Variants in EHMT1 observed in about 807,000 individuals in gnomAD.
EHMT1 encodes the protein euchromatic histone lysine methyltransferase 1, also known as histone-lysine N-methyltransferase EHMT1.
In EHMT1, 15 loss-of-function variants were observed where a neutral mutation model predicts 147.2. The ratio of observed to expected loss-of-function variants is 0.10; its 90% CI spans 0.07 to 0.16. The LOEUF is 0.16. Ranked by LOEUF, EHMT1 falls within the 10% of genes least tolerant of loss-of-function variation. The pLI, the probability that EHMT1 is intolerant of heterozygous loss-of-function variation, is 1.00. For missense variants in EHMT1, 1,587 were observed against 1,772.4 expected (o/e 0.90, Z 1.88); for synonymous variants, 795 against 709.6 (o/e 1.12, Z -1.91).
intron 1 of EHMT1, among the ~76,000 whole-genome samples, chr9:137,659,828 C>T (rs1264095065): frequency 2.0e-5 from 3 of 152,022 alleles, no homozygotes; most frequent in Admixed American, 6.6e-5. Context: ...CCGCCCACCT[C>T]GCCCTCTCAA....
At chr9:137,683,215 AC>A (rs1942128408) in intron 1 of EHMT1, among the ~76,000 whole-genome samples, 1 of 152,236 alleles carries the variant, frequency 6.6e-6, no homozygotes, top group Non-Finnish European at 1.5e-5. Flanking sequence ...AGAATATATT[AC>A]ACTTATTTGA....
At chr9:137,785,109 G>C (rs1208482889) in intron 15 of EHMT1, 1 of 153,810 alleles carries the variant, frequency 6.5e-6, no homozygotes, top group East Asian at 1.9e-4. Context: ...GGAAGAGCGT[G>C]GTCTGGAAGA....
rs1477270311 is a variant in EHMT1 at position 137,793,495 on chromosome 9, C to T, written c.2505+2525C>T. ...AAACCAGTCTGGTGGTTCCTCAGAT[C>T]GCTAAGCATAGGATTACGCTGTGAT... On this transcript the variant is annotated intron_variant, in intron 16 of 26. Coordinates refer to ENST00000460843, the MANE Select transcript of EHMT1 (RefSeq NM_024757.5). 3.9e-5 allele frequency among the ~76,000 whole-genome samples: 6 copies of T among 152,348 alleles called. No individual in the cohort carries two copies. The South Asian group carries it at 6.2e-4, about 16-fold the overall frequency.
intron 1 of EHMT1, among the ~76,000 whole-genome samples, chr9:137,624,944 G>A (rs746271993): frequency 3.3e-5 from 5 of 150,806 alleles, no homozygotes; most frequent in African/African-American, 4.9e-5. Context: ...GTGCAGTGAC[G>A]CGATTGGGTT....
At chr9:137,674,600 C>CT (rs1301845153) in intron 1 of EHMT1, among the ~76,000 whole-genome samples, 2 of 152,234 alleles carry the variant, frequency 1.3e-5, no homozygotes, top group Non-Finnish European at 2.9e-5. Flanking sequence ...CGACTCACCT[C>CT]TTGATGTGTG....
intron 1 of EHMT1, among the ~76,000 whole-genome samples, chr9:137,686,335 G>T (rs1196966463): frequency 1.3e-5 from 2 of 151,800 alleles, no homozygotes; most frequent in Non-Finnish European, 2.9e-5. Flanking sequence ...GAGTTTTATA[G>T]TTTTATCTCA....
At chr9:137,684,367 A>G (rs1266654076) in intron 1 of EHMT1, among the ~76,000 whole-genome samples, 1 of 152,168 alleles carries the variant, frequency 6.6e-6, no homozygotes, top group Non-Finnish European at 1.5e-5. Context: ...TCAACTGAAT[A>G]GAAAAGTTGC....
In EHMT1 at chr9:137,717,140, C is replaced by G; in HGVS notation, c.600C>G (p.Val200=). The G allele has an allele frequency of 6.2e-7, 1 of 1,612,564 alleles. No individual in the cohort carries two copies. The highest frequency in any genetic ancestry group is 8.5e-7 in the Non-Finnish European group (1 of 1,179,974). ...KLPAPGADVK[V]HRARKTMPKS... is the part of the protein sequence containing the mutation. ...CGGCCCCTGGCGCCGACGTCAAGGTCCACAGGGCACGCAAGACCATGCCGA... is the reference window on the plus strand; with the variant it reads ...CGGCCCCTGGCGCCGACGTCAAGGTGCACAGGGCACGCAAGACCATGCCGA... The change falls in exon 3 of 27, where the codon GTC becomes GTG. Residue 200 remains valine, a synonymous_variant. Transcript: ENST00000460843.
intron 1 of EHMT1, among the ~76,000 whole-genome samples, chr9:137,649,446 C>T (rs191509834): frequency 5.9e-4 from 88 of 148,110 alleles, no homozygotes; most frequent in African/African-American, 2.1e-3. Flanking sequence ...GGCAACAGAG[C>T]GAGACTCCGA....
intron 3 of EHMT1, 45 bp downstream of exon 3, chr9:137,717,227 T>C: frequency 6.2e-7 from 1 of 1,602,898 alleles, no homozygotes; most frequent in Non-Finnish European, 8.5e-7. Context: ...CCCATCTCTT[T>C]TGTTTTAATA....
At chr9:137,780,255 CGCTGGGATGTGTGGTGATGAT>C (rs1460416616) in intron 14 of EHMT1, among the ~76,000 whole-genome samples, 67 of 132,540 alleles carry the variant, frequency 5.1e-4, no homozygotes, top group African/African-American at 1.7e-3. Context: ...GTGGTGATGA[CGCTGGGATGTGTGGTGATGAT>C]GCTGGGATGT....
At chr9:137,623,988 TTTTC>T (rs1204797357) in intron 1 of EHMT1, among the ~76,000 whole-genome samples, 16 of 148,770 alleles carry the variant, frequency 1.1e-4, no homozygotes, top group South Asian at 4.2e-4. Context: ...CCCGGTTGAT[TTTTC>T]TTTCTTTCTT....
At chr9:137,770,315 A>G (rs1376911318) in intron 10 of EHMT1, among the ~76,000 whole-genome samples, 1 of 152,038 alleles carries the variant, frequency 6.6e-6, no homozygotes, top group Non-Finnish European at 1.5e-5. Flanking sequence ...TTCCTTGTTG[A>G]GTATACTTCT....
At chr9:137,678,773 C>G (rs1023550271) in intron 1 of EHMT1, among the ~76,000 whole-genome samples, 1 of 131,068 alleles carries the variant, frequency 7.6e-6, no homozygotes, top group African/African-American at 2.8e-5. Context: ...TGTGATCTGT[C>G]TATCTGACGA....
At chr9:137,781,983 G>T (rs4979649) in intron 14 of EHMT1, among the ~76,000 whole-genome samples, 12 of 152,166 alleles carry the variant, frequency 7.9e-5, no homozygotes, top group Non-Finnish European at 1.6e-4. Flanking sequence ...CTGGGCCTGG[G>T]GCGGCCATGG....
chr9:137,787,976 AG>A lies in EHMT1; in HGVS notation c.2383-2870del. The A allele has an allele frequency of 2.0e-6, 3 of 1,482,666 alleles. No individual in the cohort carries two copies. The highest frequency in any genetic ancestry group is 2.8e-6 in the Non-Finnish European group (3 of 1,068,998). The allele number at this position is 1,482,666 out of a possible 1,614,324, so 91.8% of individuals were successfully genotyped here. ...TGTGTCCCCCACTGGACAGCCCCCC[AG>A]GAACTGAGGTGCCCTGCAGTAAGTG... is the stretch of plus-strand genomic sequence containing the variant. On this transcript the variant is annotated intron_variant, in intron 15 of 26. Coordinates refer to ENST00000460843, the MANE Select transcript of EHMT1 (RefSeq NM_024757.5). The surrounding 1 kb of genome is among the most constrained non-coding windows in gnomAD (Gnocchi z 4.2).
chr9:137,726,107 T>TGTGC (rs1554851867), intron 3 of EHMT1, among the ~76,000 whole-genome samples: 1 of 150,406 alleles, frequency 6.6e-6, no homozygotes, highest in Non-Finnish European at 1.5e-5. Context: ...TGTGTGTGTG[T>TGTGC]GCGTATGTGC....
rs1950946010 is a variant in EHMT1, at chr9:137,776,214, G to A, written c.1792-404G>A. 1.3e-5 allele frequency among the ~76,000 whole-genome samples: 2 copies of A among 152,158 alleles called. No individual in the cohort carries two copies. Among genetic ancestry groups the A allele is most frequent in the Non-Finnish European group, 1.5e-5 (1 of 68,032 alleles). On this transcript the variant is annotated intron_variant, in intron 11 of 26. Transcript: ENST00000460843. This position sits in a 1 kb window ranked among gnomAD's most constrained non-coding sequence, Gnocchi z 4.4. ...CCTGGGTCGCCAAACCACATCTGCT[G>A]CGCACTGCTGGGCACTGAGGCAGCT...
chr9:137,802,720 C>T, intron 18 of EHMT1: 2 of 946,126 alleles, frequency 2.1e-6, no homozygotes, highest in Non-Finnish European at 2.7e-6. Context: ...CCCGCTGCCT[C>T]CCTGCAGGCA....
Sources: allele counts gnomAD v4.1 joint callset (sites outside exome capture counted in the v4.1 genomes callset), GRCh38; gene constraint gnomAD v4.1.1; non-coding constraint Gnocchi (gnomAD v3.1); transcripts MANE v1.5; gene names NCBI Gene and HGNC (gene_info 2026-07-23, HGNC 2026-07-21).